FANCA: variants seen among roughly 807,000 people sequenced by gnomAD.
FANCA encodes Fanconi anemia group A protein.
FANCA carries 236 observed loss-of-function variants against 194.3 expected under a neutral mutation model. That is an observed-to-expected ratio of 1.21 (90% CI 1.09 to 1.35). The LOEUF is 1.35. Among genes scored for constraint, FANCA ranks in the 40% most tolerant of loss-of-function variants. FANCA has a pLI of 0.00. For missense variants in FANCA, 2,628 were observed against 1,813.9 expected, an observed-to-expected ratio of 1.45 and a Z score of -8.15; for synonymous variants, 1,014 against 715.8, an observed-to-expected ratio of 1.42 and a Z score of -6.65.
At chr16:89,796,876 A>T (rs1249830787) in intron 10 of FANCA, among the ~76,000 whole-genome samples, 1 of 152,106 alleles carries the variant, frequency 6.6e-6, no homozygotes, top group African/African-American at 2.4e-5. Context: ...CCAAAATATT[A>T]GGCCAGGCGC....
Position 89,738,371 on chromosome 16 carries a change from G to A in FANCA, c.*230C>T, listed in dbSNP as rs2062020815. 1.4e-6 allele frequency: 2 copies of A among 1,447,350 alleles called. No individual in the cohort carries two copies. Among genetic ancestry groups the A allele is most frequent in the African/African-American group, 1.4e-5 (1 of 70,926 alleles). The allele number at this position is 1,447,350 out of a possible 1,614,324, so 89.7% of individuals were successfully genotyped here. A position where few individuals can be genotyped will look rare whatever the true frequency, so the allele number is the denominator to read the frequency against. Reference sequence around the variant, plus strand: ...CTGCCCGCCCTTGGTGCTGGAGGCGGGCTTGGTGTCCGGCTCAAGTAGCCT... The same window carrying A: ...CTGCCCGCCCTTGGTGCTGGAGGCGAGCTTGGTGTCCGGCTCAAGTAGCCT... On this transcript the variant is annotated 3_prime_UTR_variant, in exon 43 of 43. Coordinates refer to ENST00000389301, the MANE Select transcript of FANCA (RefSeq NM_000135.4).
chr16:89,804,584 C>T (rs962870826), intron 7 of FANCA, among the ~76,000 whole-genome samples: 5 of 152,156 alleles, frequency 3.3e-5, no homozygotes, highest in African/African-American at 4.8e-5. Context: ...ACAAGCCCAA[C>T]TACTCCTCAA....
At chr16:89,802,934 A>G (rs1241994223) in intron 8 of FANCA, among the ~76,000 whole-genome samples, 1 of 152,214 alleles carries the variant, frequency 6.6e-6, no homozygotes. Flanking sequence ...GTTAATGGGT[A>G]CAAACATACA....
At chr16:89,801,950 TG>T (rs1328346147) in intron 8 of FANCA, among the ~76,000 whole-genome samples, 2 of 151,934 alleles carry the variant, frequency 1.3e-5, no homozygotes, top group African/African-American at 2.4e-5. Context: ...ATCCCATTAC[TG>T]GGCTTACAGC....
At position 89,770,031 on chromosome 16, in the gene FANCA, C is replaced by T. The variant is rs763945801; in HGVS notation, c.2317-7G>A. 11 of 1,612,704 alleles carry T rather than the reference C, an allele frequency of 6.8e-6. No individual in the cohort carries two copies. The highest frequency in any genetic ancestry group is 4.4e-5 in the South Asian group (4 of 90,980). On this transcript the variant is annotated splice_polypyrimidine_tract_variant and splice_region_variant and intron_variant, in intron 25 of 42. Transcript: ENST00000389301. ...GGGCACTCAGGCTCGGGCCCTGCAA[C>T]GAGAATGAGGGTGGCAGAGCAGACT...
intron 28 of FANCA, 30 bp from the exon 29 acceptor site, chr16:89,762,052 A>C: frequency 1.2e-5 from 19 of 1,550,612 alleles, no homozygotes; most frequent in Non-Finnish European, 1.6e-5. Flanking sequence ...ATTCAATACA[A>C]TGAGGACAGA....
rs912608081 is a variant in FANCA, at chr16:89,815,935, T to C, written c.131A>G (p.Lys44Arg). ...TCGCAGGAGGCGCACAGCTGATTCC[T>C]TTAATTTCTGTGCCCTTTCAGGATT... ...KYNPERAQKL[K>R]ESAVRLLRSH... is the part of the protein sequence containing the mutation. The change falls in exon 2 of 43, where the codon AAG (lysine) becomes AGG (arginine). Residue 44 changes from lysine (K) to arginine (R), a missense_variant. By Grantham distance (26) the Lys-to-Arg change is conservative. Transcript: ENST00000389301. The C allele has an allele frequency of 1.2e-6, 2 of 1,614,140 alleles. No homozygotes were observed. The highest frequency in any genetic ancestry group is 1.7e-5 in the Admixed American group (1 of 60,030).
intron 37 of FANCA, among the ~76,000 whole-genome samples, chr16:89,742,141 T>A (rs1320995256): frequency 1.3e-5 from 2 of 152,050 alleles, no homozygotes; most frequent in African/African-American, 2.4e-5. Context: ...CACACCCGAC[T>A]AATTTTTGTG....
intron 39 of FANCA, 76 bp downstream of exon 39, chr16:89,739,918 T>C: frequency 1.3e-6 from 2 of 1,596,566 alleles, no homozygotes; most frequent in Middle Eastern, 1.7e-4. Context: ...CAAGGAGGGC[T>C]CGTTCTTAAC....
At chr16:89,753,795 C>T (rs2038678385) in intron 30 of FANCA, among the ~76,000 whole-genome samples, 1 of 152,206 alleles carries the variant, frequency 6.6e-6, no homozygotes, top group Non-Finnish European at 1.5e-5. Context: ...TGGCTCACGC[C>T]TGTAATCCCA....
chr16:89,741,316 C>T (rs2062128197), intron 37 of FANCA, among the ~76,000 whole-genome samples: 1 of 152,238 alleles, frequency 6.6e-6, no homozygotes, highest in Non-Finnish European at 1.5e-5. Context: ...CCTGGAGCCA[C>T]TAAAATCCCT....
intron 10 of FANCA, 36 bp downstream of exon 10, chr16:89,799,130 G>C (rs2040351728): frequency 1.2e-6 from 2 of 1,614,218 alleles, no homozygotes; most frequent in Middle Eastern, 1.6e-4. Context: ...ACACCTCCCT[G>C]CTGCACACTC....
rs1005140579 is a variant in FANCA, at chr16:89,782,805, C to T, written c.1626+54G>A. ...ACTCAAGAGTCAAAAGAAACTGGACCTTTGCATGGTGGGCGTGACTGGCTG... is the reference window on the plus strand; with the variant it reads ...ACTCAAGAGTCAAAAGAAACTGGACTTTTGCATGGTGGGCGTGACTGGCTG... On this transcript the variant is annotated intron_variant, in intron 17 of 42. Coordinates refer to ENST00000389301, the MANE Select transcript of FANCA (RefSeq NM_000135.4). The T allele has an allele frequency of 4.0e-6, 6 of 1,498,386 alleles. No individual in the cohort carries two copies. In the African/African-American group the frequency reaches 8.3e-5, roughly 21 times the overall value. 92.8% of individuals were successfully genotyped at this position (1,498,386 alleles called of 1,614,324 possible). A position where few individuals can be genotyped will look rare whatever the true frequency, so the allele number is the denominator to read the frequency against.
In FANCA at chr16:89,816,593, T is replaced by A. The variant is rs757468756; in HGVS notation, c.23A>T (p.Asn8Ile). ...CCCTGGGTCCTGGCCCGAGGCGGAGTTCGGGACCCACGAGTCGGACATGGC... is the reference window on the plus strand; with the variant it reads ...CCCTGGGTCCTGGCCCGAGGCGGAGATCGGGACCCACGAGTCGGACATGGC... MSDSWVP[N>I]SASGQDPGGR... Residue 8 changes from asparagine to isoleucine, a missense_variant, in exon 1 of 43, where the codon AAC (asparagine) becomes ATC (isoleucine). By Grantham distance (149) the Asn-to-Ile change is moderately radical (BLOSUM62 -3). Transcript: ENST00000389301. 1 of 1,526,882 alleles carries A rather than the reference T, an allele frequency of 6.5e-7. No individual in the cohort carries two copies. Among genetic ancestry groups the A allele is most frequent in the Middle Eastern group, 2.1e-4 (1 of 4,710 alleles). 94.6% of individuals were successfully genotyped at this position (1,526,882 alleles called of 1,614,324 possible).
intron 37 of FANCA, among the ~76,000 whole-genome samples, chr16:89,741,602 G>A (rs1239186816): frequency 6.6e-6 from 1 of 152,174 alleles, no homozygotes. Flanking sequence ...GGTCTTGTGG[G>A]GGCAGTCAGG....
At chr16:89,810,524 G>A in intron 5 of FANCA, 183 bp downstream of exon 5, 1 of 612,726 alleles carries the variant, frequency 1.6e-6, no homozygotes, top group South Asian at 1.9e-5. Flanking sequence ...GACAAAAAAT[G>A]GCAATTGAAG....
intron 29 of FANCA, among the ~76,000 whole-genome samples, chr16:89,761,624 G>A (rs1478513810): frequency 6.6e-6 from 1 of 151,848 alleles, no homozygotes; most frequent in Non-Finnish European, 1.5e-5. Context: ...CATTTTAAAG[G>A]GAAGCTCCTT....
rs574034197 is a variant in FANCA, at chr16:89,746,848, T to C, written c.3391A>G (p.Thr1131Ala). Residue 1131 changes from threonine to alanine, a missense_variant, in exon 34 of 43, where the codon ACT becomes GCT. Coordinates refer to ENST00000389301, the MANE Select transcript of FANCA (RefSeq NM_000135.4). ...SHGGALTQDI[T>A]AHFFRGLLNA... is the part of the protein sequence containing the mutation. ...CATCTCACCCTGAAGAAGTGGGCAG[T>C]GATGTCCTGTGTCAGGGCACCTCCG... 199 of 1,563,312 alleles carry C rather than the reference T, an allele frequency of 1.3e-4. No homozygotes were observed. Among genetic ancestry groups the C allele is most frequent in the Non-Finnish European group, 1.6e-4 (186 of 1,152,744 alleles).
In FANCA at chr16:89,778,846, G is replaced by T. The variant is rs780295697; in HGVS notation, c.1781C>A (p.Pro594His). The change falls in exon 20 of 43, where the codon CCC becomes CAC. Residue 594 changes from proline (P) to histidine (H), a missense_variant. By Grantham distance (77) the Pro-to-His change is moderately conservative. Coordinates refer to ENST00000389301, the MANE Select transcript of FANCA (RefSeq NM_000135.4). ...LPALLTPRVLPKVPDSRVAFI... is the reference protein window; with the variant it reads ...LPALLTPRVLHKVPDSRVAFI... ...CGCCACACGGGAGTCAGGGACTTTGGGGAGCTGTGGGAAGAGAAGAGACCT... is the reference window on the plus strand; with the variant it reads ...CGCCACACGGGAGTCAGGGACTTTGTGGAGCTGTGGGAAGAGAAGAGACCT... 4.3e-6 allele frequency: 7 copies of T among 1,613,992 alleles called. No homozygotes were observed. In the East Asian group the frequency reaches 1.3e-4, roughly 31 times the overall value.
Sources: gnomAD v4.1 joint callset for allele counts (sites outside exome capture counted in the v4.1 genomes callset) on GRCh38, gnomAD v4.1.1 for gene constraint, MANE v1.5 for transcripts, NCBI Gene and HGNC (gene_info 2026-07-23, HGNC 2026-07-21) for gene names.